BCAM: variants seen among roughly 807,000 people sequenced by gnomAD.
BCAM encodes the protein basal cell adhesion molecule.
Under a neutral mutation model 72.4 loss-of-function variants are expected in BCAM, and 61 were observed. That is an observed-to-expected ratio of 0.84 (90% CI 0.69 to 1.04). The LOEUF (loss-of-function observed/expected upper bound fraction) is 1.04. Ranked by LOEUF, BCAM falls within the 50% of genes least tolerant of loss-of-function variation. The pLI is 0.00. For synonymous variants in BCAM, 408 were observed against 384.2 expected (o/e 1.06, Z -0.73); for missense variants, 909 against 895.0 (o/e 1.02, Z -0.20).
chr19:44,820,586 C>A lies in BCAM; in HGVS notation c.1764-119C>A, dbSNP rs920348512. 17 of 1,309,738 alleles carry A rather than the reference C, an allele frequency of 1.3e-5. No individual in the cohort carries two copies. The African/African-American group carries it at 2.6e-4, about 20-fold the overall frequency. 81.1% of individuals were successfully genotyped at this position (1,309,738 alleles called of 1,614,324 possible). A position where few individuals can be genotyped will look rare whatever the true frequency, so the allele number is the denominator to read the frequency against. On this transcript the variant is annotated intron_variant, in intron 13 of 14. Coordinates refer to ENST00000270233, the MANE Select transcript of BCAM (RefSeq NM_005581.5). ...CCTATGCCATCCCCACCCAGCACACCCCCATCCTCACCTCCATCCCCAGCC... is the reference window on the plus strand; with the variant it reads ...CCTATGCCATCCCCACCCAGCACACACCCATCCTCACCTCCATCCCCAGCC...
chr19:44,819,330 A>G lies in BCAM; in HGVS notation c.1474-16A>G. ...CCTTGACCCCACCAGCCGGGGCCTG[A>G]TCGGAGCCTCCATAGCCCGCAGAGC... On this transcript the variant is annotated splice_polypyrimidine_tract_variant and intron_variant, in intron 11 of 14. Coordinates refer to ENST00000270233, the MANE Select transcript of BCAM (RefSeq NM_005581.5). The G allele has an allele frequency of 6.2e-7, 1 of 1,613,920 alleles. No individual in the cohort carries two copies. Among genetic ancestry groups the G allele is most frequent in the African/African-American group, 1.3e-5 (1 of 75,026 alleles).
rs919419975 is a variant in BCAM, at chr19:44,812,401, C to T, written c.433+10C>T. On this transcript the variant is annotated intron_variant, in intron 3 of 14. Coordinates refer to ENST00000270233, the MANE Select transcript of BCAM (RefSeq NM_005581.5). The surrounding 1 kb of genome is among the most constrained non-coding windows in gnomAD (Gnocchi z 5.3). Reference sequence around the variant, plus strand: ...CGGCTCAACGTGTTTGGTAAGTGTCCTCGGGCATCCCCCGAAGGGAGGCAG... The same window carrying T: ...CGGCTCAACGTGTTTGGTAAGTGTCTTCGGGCATCCCCCGAAGGGAGGCAG... The T allele has an allele frequency of 1.9e-6, 3 of 1,614,084 alleles. No homozygotes were observed. The highest frequency in any genetic ancestry group is 2.2e-5 in the East Asian group (1 of 44,892).
chr19:44,817,598 G>T (rs138908759), intron 8 of BCAM, among the ~76,000 whole-genome samples: 1 of 151,210 alleles, frequency 6.6e-6, no homozygotes, highest in African/African-American at 2.4e-5. Context: ...AGGCTGGAGC[G>T]CAGTGGCACA....
intron 8 of BCAM, among the ~76,000 whole-genome samples, chr19:44,816,006 C>T (rs1384524984): frequency 7.9e-5 from 12 of 152,008 alleles, no homozygotes; most frequent in Admixed American, 7.2e-4. Context: ...AGAAAGACCC[C>T]GTCTCAGGAA....
Position 44,812,797 on chromosome 19 carries a change from A to C in BCAM, c.504+249A>C. 2.0e-6 allele frequency: 1 copy of C among 508,726 alleles called. No homozygotes were observed. Among genetic ancestry groups the C allele is most frequent in the Non-Finnish European group, 3.5e-6 (1 of 284,320 alleles). The allele number at this position is 508,726 out of a possible 1,614,324, so 31.5% of individuals were successfully genotyped here. A position where few individuals can be genotyped will look rare whatever the true frequency, so the allele number is the denominator to read the frequency against. ...AAACCCCGTCTCTACTAAAGATACA[A>C]AAATTAGCTGGGTGTGTTGGTGTGC... is the stretch of plus-strand genomic sequence containing the variant. On this transcript the variant is annotated intron_variant, in intron 4 of 14. Coordinates refer to ENST00000270233, the MANE Select transcript of BCAM (RefSeq NM_005581.5). The surrounding 1 kb of genome is among the most constrained non-coding windows in gnomAD (Gnocchi z 5.3).
At position 44,818,931 on chromosome 19, in the gene BCAM, G is replaced by A; in HGVS notation, c.1336+49G>A. 1 of 1,603,886 alleles carries A rather than the reference G, an allele frequency of 6.2e-7. No individual in the cohort carries two copies. Among genetic ancestry groups the A allele is most frequent in the Non-Finnish European group, 8.5e-7 (1 of 1,174,808 alleles). On this transcript the variant is annotated intron_variant, in intron 10 of 14. Transcript: ENST00000270233. The surrounding 1 kb of genome is among the most constrained non-coding windows in gnomAD (Gnocchi z 4.6). ...GGCTTGGATGGGGACAGTGTGGGGT[G>A]TGGGACCTGGACAAACAGGACGAGT...
At position 44,812,363 on chromosome 19, in the gene BCAM, T is replaced by C; in HGVS notation, c.405T>C (p.Ala135=). The change falls in exon 3 of 15, where the codon GCT becomes GCC. Residue 135 remains alanine (A), a synonymous_variant. Transcript: ENST00000270233. The surrounding 1 kb of genome is among the most constrained non-coding windows in gnomAD (Gnocchi z 5.3). ...CVVRAGAAGT[A]EATARLNVFA... is the part of the protein sequence containing the mutation. ...TGAGGGCAGGGGCGGCAGGCACTGC[T>C]GAGGCCACTGCGCGGCTCAACGTGT... 6.2e-7 allele frequency: 1 copy of C among 1,613,872 alleles called. No homozygotes were observed. The highest frequency in any genetic ancestry group is 2.2e-5 in the East Asian group (1 of 44,878).
chr19:44,818,362 G>C lies in BCAM; in HGVS notation c.1079-160G>C, dbSNP rs555229090. On this transcript the variant is annotated intron_variant, in intron 8 of 14. Transcript: ENST00000270233. The surrounding 1 kb of genome is among the most constrained non-coding windows in gnomAD (Gnocchi z 4.6). ...ATTTTTGGTTGGAGAGCCTGGATGG[G>C]AGAATGGAGATTTCATGGAGATGGG... is the stretch of plus-strand genomic sequence containing the variant. Among the ~76,000 whole-genome samples, 7 of 152,224 alleles carry C rather than the reference G, an allele frequency of 4.6e-5. No individual in the cohort carries two copies. In the South Asian group the frequency reaches 1.5e-3, roughly 32 times the overall value.
At position 44,811,317 on chromosome 19, in the gene BCAM, C is replaced by T; in HGVS notation, c.175C>T (p.His59Tyr). ...TCTGGACTGCACCCCTACGGGAACC[C>T]ACGACCATTATATGCTGGAATGGTT... ...VILDCTPTGT[H>Y]DHYMLEWFLT... The change falls in exon 2 of 15, where the codon CAC becomes TAC. Residue 59 changes from histidine to tyrosine, a missense_variant. By Grantham distance (83) the His-to-Tyr change is moderately conservative. Transcript: ENST00000270233. The T allele has an allele frequency of 6.2e-7, 1 of 1,613,530 alleles. No homozygotes were observed. The highest frequency in any genetic ancestry group is 8.5e-7 in the Non-Finnish European group (1 of 1,179,780).
Position 44,814,765 on chromosome 19 carries a change from G to A in BCAM, c.1078+5G>A. 6.2e-7 allele frequency: 1 copy of A among 1,607,810 alleles called. No individual in the cohort carries two copies. Among genetic ancestry groups the A allele is most frequent in the Non-Finnish European group, 8.5e-7 (1 of 1,177,032 alleles). On this transcript the variant is annotated splice_donor_5th_base_variant and intron_variant, in intron 8 of 14. Coordinates refer to ENST00000270233, the MANE Select transcript of BCAM (RefSeq NM_005581.5). The surrounding 1 kb of genome is among the most constrained non-coding windows in gnomAD (Gnocchi z 4.6). ...CGCTGGAGCTGCGCGTGGCCTGTGA[G>A]AGCCCTGGGTGAACGGGCGGGCAGG...
At chr19:44,817,549 G>GTT (rs561653969) in intron 8 of BCAM, among the ~76,000 whole-genome samples, 16 of 142,156 alleles carry the variant, frequency 1.1e-4, no homozygotes, top group African/African-American at 2.0e-4. Flanking sequence ...GGTTTTTTTT[G>GTT]TTTTTTTTTT....
At chr19:44,819,947 C>A in intron 13 of BCAM, 1 of 1,331,728 alleles carries the variant, frequency 7.5e-7, no homozygotes, top group Non-Finnish European at 9.5e-7. Flanking sequence ...CAACTGCAGC[C>A]CCAAACCCAA....
In BCAM at chr19:44,814,688, G is replaced by A. The variant is rs777788448; in HGVS notation, c.1006G>A (p.Gly336Ser). ...GVTRGQSGTY[G>S]CRVEDYDAAD... is the part of the protein sequence containing the mutation. ...GACCCGGGGCCAGAGCGGGACCTATGGCTGCAGAGTGGAGGATTACGACGC... is the reference window on the plus strand; with the variant it reads ...GACCCGGGGCCAGAGCGGGACCTATAGCTGCAGAGTGGAGGATTACGACGC... The change falls in exon 8 of 15, where the codon GGC (glycine) becomes AGC (serine). Residue 336 changes from glycine to serine, a missense_variant. By Grantham distance (56) the Gly-to-Ser change is moderately conservative. Coordinates refer to ENST00000270233, the MANE Select transcript of BCAM (RefSeq NM_005581.5). This position sits in a 1 kb window ranked among gnomAD's most constrained non-coding sequence, Gnocchi z 4.6. 2 of 1,613,964 alleles carry A rather than the reference G, an allele frequency of 1.2e-6. No homozygotes were observed. Among genetic ancestry groups the A allele is most frequent in the East Asian group, 2.2e-5 (1 of 44,884 alleles).
Position 44,814,926 on chromosome 19 carries a change from T to A in BCAM, c.1078+166T>A, listed in dbSNP as rs1189318160. 1.3e-5 allele frequency among the ~76,000 whole-genome samples: 2 copies of A among 150,478 alleles called. No homozygotes were observed. The highest frequency in any genetic ancestry group is 1.5e-5 in the Non-Finnish European group (1 of 67,496). On this transcript the variant is annotated intron_variant, in intron 8 of 14. Transcript: ENST00000270233. This position sits in a 1 kb window ranked among gnomAD's most constrained non-coding sequence, Gnocchi z 4.6. The stretch of plus-strand genomic sequence containing the variant: ...TTTGGTTGTTTTTTTTTTTTTTTTT[T>A]TCCCAGAGACAGGACCTGGCTACGT...
chr19:44,813,581 G>A lies in BCAM; in HGVS notation c.745G>A (p.Gly249Ser), dbSNP rs200947707. Reference protein sequence around the residue: ...AHYSLPEGRHGRLDSPTFHLT... With the variant: ...AHYSLPEGRHSRLDSPTFHLT... ...CTACAGCCTGCCCGAGGGCCGCCAC[G>A]GCCGCCTGGACAGCCCCACCTTCCA... Residue 249 changes from glycine (G) to serine (S), a missense_variant, in exon 6 of 15, where the codon GGC (glycine) becomes AGC (serine). Gly to Ser is a moderately conservative substitution (Grantham distance 56). Coordinates refer to ENST00000270233, the MANE Select transcript of BCAM (RefSeq NM_005581.5). The surrounding 1 kb of genome is among the most constrained non-coding windows in gnomAD (Gnocchi z 4.2). 210 of 1,612,518 alleles carry A rather than the reference G, an allele frequency of 1.3e-4. 1 individual carries two copies. The East Asian group carries it at 4.2e-3, about 32-fold the overall frequency.
chr19:44,820,994 T>C lies in BCAM; in HGVS notation c.*73T>C. 6.8e-7 allele frequency: 1 copy of C among 1,460,646 alleles called. No homozygotes were observed. The highest frequency in any genetic ancestry group is 9.1e-7 in the Non-Finnish European group (1 of 1,102,890). 90.5% of individuals were successfully genotyped at this position (1,460,646 alleles called of 1,614,324 possible). On this transcript the variant is annotated 3_prime_UTR_variant, in exon 15 of 15. Coordinates refer to ENST00000270233, the MANE Select transcript of BCAM (RefSeq NM_005581.5). ...CAGAGAACCAGCCCTGCTCACGCCA[T>C]GCCCGCCCCCGCCTTCCCTCTTCCC...
Position 44,813,502 on chromosome 19 carries a change from C to G in BCAM, c.666C>G (p.Leu222=), listed in dbSNP as rs775892256. The G allele has an allele frequency of 8.7e-6, 14 of 1,612,598 alleles. No homozygotes were observed. Among genetic ancestry groups the G allele is most frequent in the Non-Finnish European group, 1.2e-5 (14 of 1,179,924 alleles). The stretch of plus-strand genomic sequence containing the variant: ...GCCTGCTCTCCCTCACCAGCACCCT[C>G]TACCTGCGGCTCCGCAAGGATGACC... ...ASGLLSLTST[L]YLRLRKDDRD... is the part of the protein sequence containing the mutation. Residue 222 remains leucine (L), a synonymous_variant, in exon 6 of 15, where the codon CTC becomes CTG. Coordinates refer to ENST00000270233, the MANE Select transcript of BCAM (RefSeq NM_005581.5). The surrounding 1 kb of genome is among the most constrained non-coding windows in gnomAD (Gnocchi z 4.2).
rs1052968488 is a variant in BCAM at position 44,809,238 on chromosome 19, G to A, written c.82+32G>A. 4.3e-6 allele frequency: 6 copies of A among 1,405,076 alleles called. No homozygotes were observed. The African/African-American group carries it at 9.0e-5, about 21-fold the overall frequency. 87.0% of individuals were successfully genotyped at this position (1,405,076 alleles called of 1,614,324 possible). On this transcript the variant is annotated intron_variant, in intron 1 of 14. Coordinates refer to ENST00000270233, the MANE Select transcript of BCAM (RefSeq NM_005581.5). ...CTCGGGCTGAGGGCAAGGTGGGACTGGGGAGAGGCCCCTGGGGACCCCGGG... is the reference window on the plus strand; with the variant it reads ...CTCGGGCTGAGGGCAAGGTGGGACTAGGGAGAGGCCCCTGGGGACCCCGGG...
chr19:44,812,099 C>T lies in BCAM; in HGVS notation c.205-64C>T. Reference sequence around the variant, plus strand: ...CCAGGAGCTGCAGAGAGAAAGGACCCAGAGAGAGAGAGACTGAGGAGCGCT... The same window carrying T: ...CCAGGAGCTGCAGAGAGAAAGGACCTAGAGAGAGAGAGACTGAGGAGCGCT... On this transcript the variant is annotated intron_variant, in intron 2 of 14. Transcript: ENST00000270233. This position sits in a 1 kb window ranked among gnomAD's most constrained non-coding sequence, Gnocchi z 5.3. The T allele has an allele frequency of 6.8e-7, 1 of 1,460,084 alleles. No individual in the cohort carries two copies. The highest frequency in any genetic ancestry group is 1.2e-5 in the South Asian group (1 of 82,068). The allele number at this position is 1,460,084 out of a possible 1,614,324, so 90.4% of individuals were successfully genotyped here. A position where few individuals can be genotyped will look rare whatever the true frequency, so the allele number is the denominator to read the frequency against.
Sources: gnomAD v4.1 joint callset for allele counts (sites outside exome capture counted in the v4.1 genomes callset) on GRCh38, gnomAD v4.1.1 for gene constraint, Gnocchi (gnomAD v3.1) non-coding constraint, MANE v1.5 for transcripts, NCBI Gene and HGNC (gene_info 2026-07-23, HGNC 2026-07-21) for gene names.